Variants in CSMD1 observed in about 807,000 individuals in gnomAD.
CSMD1 encodes the protein CUB and sushi domain-containing protein 1.
Under a neutral mutation model 417.5 loss-of-function variants are expected in CSMD1, and 213 were observed. The ratio of observed to expected loss-of-function variants is 0.51; its 90% confidence interval spans 0.46 to 0.57. The LOEUF (loss-of-function observed/expected upper bound fraction) is 0.57, where lower values mean the gene tolerates loss of function less well. Ranked by LOEUF, CSMD1 falls within the 20% of genes least tolerant of loss-of-function variation. The pLI is 0.00. For synonymous variants in CSMD1, 2,862 were observed against 1,736.8 expected, an observed-to-expected ratio of 1.65 and a Z score of -16.11; for missense variants, 6,923 against 4,529.7, an observed-to-expected ratio of 1.53 and a Z score of -15.17.
At chr8:4,045,516 A>G (rs777286128) in intron 3 of CSMD1, among the ~76,000 whole-genome samples, 23 of 152,330 alleles carry the variant, frequency 1.5e-4, no homozygotes, top group Admixed American at 2.6e-4. Context: ...ATCCAGGGAC[A>G]TCATGGGGCC....
chr8:4,486,061 TATTAAA>T (rs1801361591), intron 2 of CSMD1, among the ~76,000 whole-genome samples: 1 of 150,426 alleles, frequency 6.6e-6, no homozygotes, highest in Non-Finnish European at 1.5e-5. Context: ...AATATCTAAG[TATTAAA>T]ATTAAATTTC....
intron 3 of CSMD1, among the ~76,000 whole-genome samples, chr8:4,116,895 A>G (rs961249848): frequency 5.3e-5 from 8 of 152,080 alleles, no homozygotes; most frequent in Non-Finnish European, 8.8e-5. Flanking sequence ...GCTTTCTGAA[A>G]TCAGAAAGTG....
At chr8:4,246,271 C>G (rs1023520341) in intron 3 of CSMD1, among the ~76,000 whole-genome samples, 2 of 152,006 alleles carry the variant, frequency 1.3e-5, no homozygotes, top group African/African-American at 2.4e-5. Flanking sequence ...ATAACTTGTG[C>G]TATTTGGTTT....
At chr8:4,736,090 T>C (rs917086095) in intron 1 of CSMD1, among the ~76,000 whole-genome samples, 6 of 152,206 alleles carry the variant, frequency 3.9e-5, no homozygotes, top group African/African-American at 1.4e-4. Context: ...TGATTTTCAT[T>C]GGAAAGCTTT....
At chr8:4,487,490 T>G (rs184282061) in intron 2 of CSMD1, among the ~76,000 whole-genome samples, 2 of 152,200 alleles carry the variant, frequency 1.3e-5, no homozygotes, top group African/African-American at 4.8e-5. Flanking sequence ...ACAAAGGACA[T>G]GAAGTCATCA....
At chr8:4,819,998 G>A (rs1416235941) in intron 1 of CSMD1, among the ~76,000 whole-genome samples, 1 of 152,112 alleles carries the variant, frequency 6.6e-6, no homozygotes, top group Non-Finnish European at 1.5e-5. Context: ...CTATGTAATT[G>A]TTCTATTCAT....
intron 1 of CSMD1, among the ~76,000 whole-genome samples, chr8:4,860,724 T>C (rs1343983920): frequency 6.6e-6 from 1 of 152,212 alleles, no homozygotes; most frequent in Non-Finnish European, 1.5e-5. Flanking sequence ...TACATTTATG[T>C]AACATACAGT....
At chr8:3,256,664 C>G (rs1342573402) in intron 26 of CSMD1, among the ~76,000 whole-genome samples, 1 of 152,234 alleles carries the variant, frequency 6.6e-6, no homozygotes, top group Non-Finnish European at 1.5e-5. Flanking sequence ...AACACCCACA[C>G]TTCCAGAACT....
chr8:4,183,689 G>C (rs972131095), intron 3 of CSMD1, among the ~76,000 whole-genome samples: 3 of 152,176 alleles, frequency 2.0e-5, no homozygotes, highest in African/African-American at 7.2e-5. Flanking sequence ...GTTGTGAGCA[G>C]AGAAATTTAA....
chr8:3,380,250 A>G (rs1810552308), intron 18 of CSMD1, among the ~76,000 whole-genome samples: 1 of 152,196 alleles, frequency 6.6e-6, no homozygotes, highest in Admixed American at 6.5e-5. Flanking sequence ...CAGATGCTGG[A>G]GAGGCTGTGG....
rs375265266 is a variant in CSMD1, at chr8:3,387,711, G to A, written c.2594-29C>T. The A allele has an allele frequency of 3.1e-5, 48 of 1,554,734 alleles. No individual in the cohort carries two copies. The African/African-American group carries it at 6.0e-4, about 19-fold the overall frequency. On this transcript the variant is annotated intron_variant, in intron 17 of 69. Transcript: ENST00000635120. ...GATGCACAGAACGAATGCAGTCGATGAGGATCTTTCTGGTTGATTGAAAAT... is the reference window on the plus strand; with the variant it reads ...GATGCACAGAACGAATGCAGTCGATAAGGATCTTTCTGGTTGATTGAAAAT...
chr8:3,500,954 G>C (rs1796575390), intron 10 of CSMD1, among the ~76,000 whole-genome samples: 1 of 152,124 alleles, frequency 6.6e-6, no homozygotes, highest in Admixed American at 6.5e-5. Context: ...GAATAAGAAT[G>C]ATTCAATAAG....
rs553195727 is a variant in CSMD1, at chr8:4,826,126, A to C, written c.85+168206T>G. On this transcript the variant is annotated intron_variant, in intron 1 of 69. Coordinates refer to ENST00000635120, the MANE Select transcript of CSMD1 (RefSeq NM_033225.6). ...AATTACCACATGATTCAGAAATGTC[A>C]GTTCTCGGTATATATCCAACAGAAT... 7.4e-4 allele frequency among the ~76,000 whole-genome samples: 113 copies of C among 152,258 alleles called. 2 individuals carry two copies. In the South Asian group the frequency reaches 0.023, roughly 31 times the overall value.
At chr8:3,217,803 T>G (rs1563152914) in intron 29 of CSMD1, among the ~76,000 whole-genome samples, 1 of 152,192 alleles carries the variant, frequency 6.6e-6, no homozygotes, top group African/African-American at 2.4e-5. Flanking sequence ...TACTTAAAAC[T>G]ATATAAACAG....
At chr8:3,423,556 C>A (rs563220321) in intron 12 of CSMD1, among the ~76,000 whole-genome samples, 68 of 152,120 alleles carry the variant, frequency 4.5e-4, no homozygotes, top group Non-Finnish European at 7.9e-4. Context: ...GGCTTTGGCA[C>A]CATTTGTCTA....
At chr8:3,491,013 T>G (rs1000651991) in intron 11 of CSMD1, among the ~76,000 whole-genome samples, 4 of 152,090 alleles carry the variant, frequency 2.6e-5, no homozygotes, top group Admixed American at 2.0e-4. Context: ...ACAATGTAAA[T>G]GAAGATGCCT....
rs576169243 is a variant in CSMD1, at chr8:3,465,334, G to C, written c.1561+3378C>G. On this transcript the variant is annotated intron_variant, in intron 12 of 69. Coordinates refer to ENST00000635120, the MANE Select transcript of CSMD1 (RefSeq NM_033225.6). ...CCAGGCATCTTGAGGGGATGGAGGA[G>C]AGAGGATTGTCTTTGGGGAGTTAGA... Among the ~76,000 whole-genome samples, 4 of 152,166 alleles carry C rather than the reference G, an allele frequency of 2.6e-5. No individual in the cohort carries two copies. In the East Asian group the frequency reaches 5.8e-4, roughly 22 times the overall value.
intron 1 of CSMD1, among the ~76,000 whole-genome samples, chr8:4,687,351 C>T (rs967277301): frequency 3.3e-5 from 5 of 152,090 alleles, no homozygotes; most frequent in African/African-American, 1.2e-4. Context: ...TCGAACAGGA[C>T]TAAAGTACAT....
chr8:3,385,242 C>T (rs1302981361), intron 18 of CSMD1, among the ~76,000 whole-genome samples: 1 of 147,382 alleles, frequency 6.8e-6, no homozygotes, highest in South Asian at 2.1e-4. Flanking sequence ...TCTATGAATG[C>T]ATATGTATGT....
Sources: allele counts gnomAD v4.1 joint callset (sites outside exome capture counted in the v4.1 genomes callset), GRCh38; gene constraint gnomAD v4.1.1; transcripts MANE v1.5; gene names NCBI Gene and HGNC (gene_info 2026-07-23, HGNC 2026-07-21).